Variants in CCSER1 observed in about 807,000 individuals in gnomAD.
CCSER1 encodes serine-rich coiled-coil domain-containing protein 1.
A neutral mutation model predicts 82.0 loss-of-function variants in CCSER1; 41 were observed. The observed-to-expected ratio is 0.50, with a 90% CI of 0.39 to 0.65. The LOEUF (loss-of-function observed/expected upper bound fraction) is 0.65, where lower values mean the gene tolerates loss of function less well. CCSER1 is among the 30% of genes least tolerant of loss of function. The probability of loss-of-function intolerance (pLI) is 0.00; values close to 1 mark genes in which losing one functional copy is unlikely to be tolerated. For synonymous variants in CCSER1, 414 were observed against 383.9 expected, an observed-to-expected ratio of 1.08 and a Z score of -0.92; for missense variants, 1,119 against 1,064.2, an observed-to-expected ratio of 1.05 and a Z score of -0.72.
chr4:90,523,623 A>G (rs985732314), intron 5 of CCSER1, among the ~76,000 whole-genome samples: 1 of 152,194 alleles, frequency 6.6e-6, no homozygotes, highest in African/African-American at 2.4e-5. Flanking sequence ...GTAAAATAGA[A>G]TATCAAAGTT....
intron 5 of CCSER1, among the ~76,000 whole-genome samples, chr4:90,566,482 GAT>G (rs1204871595): frequency 2.0e-5 from 3 of 151,406 alleles, no homozygotes; most frequent in Non-Finnish European, 4.4e-5. Context: ...TCTGTGATGG[GAT>G]AGTTTTCATC....
intron 1 of CCSER1, among the ~76,000 whole-genome samples, chr4:90,237,564 A>G (rs1746028802): frequency 6.6e-6 from 1 of 152,170 alleles, no homozygotes; most frequent in Non-Finnish European, 1.5e-5. Context: ...ACTTCCATTC[A>G]TACATCCTTA....
chr4:90,811,985 T>TAAACACACACACACACAC (rs1322585282), intron 7 of CCSER1, among the ~76,000 whole-genome samples: 7,446 of 132,120 alleles, frequency 0.056, 254 homozygotes, highest in Admixed American at 0.094. Context: ...TATATATATA[T>TAAACACACACACACACAC]ATATAAACAC....
At chr4:91,160,508 A>T (rs369296864) in intron 10 of CCSER1, among the ~76,000 whole-genome samples, 2 of 152,210 alleles carry the variant, frequency 1.3e-5, no homozygotes, top group East Asian at 3.8e-4. Flanking sequence ...TTACAGTCCC[A>T]CCAACAGTGC....
At chr4:91,273,939 C>T (rs1742228555) in intron 10 of CCSER1, among the ~76,000 whole-genome samples, 1 of 152,098 alleles carries the variant, frequency 6.6e-6, no homozygotes, top group Admixed American at 6.6e-5. Flanking sequence ...AATTAGGCTT[C>T]TTATGGTAAT....
At chr4:91,586,495 A>G (rs913655692) in intron 10 of CCSER1, among the ~76,000 whole-genome samples, 1 of 151,686 alleles carries the variant, frequency 6.6e-6, no homozygotes, top group African/African-American at 2.4e-5. Flanking sequence ...AGGAGCGTGA[A>G]ATGTCACAAA....
At position 91,364,699 on chromosome 4, in the gene CCSER1, A is replaced by C. The variant is rs577277263; in HGVS notation, c.2218-233873A>C. On this transcript the variant is annotated intron_variant, in intron 10 of 10. Coordinates refer to ENST00000509176, the MANE Select transcript of CCSER1 (RefSeq NM_001145065.2). The stretch of plus-strand genomic sequence containing the variant: ...ATACAGAAGATCCATAATTCAGGTT[A>C]TTAATCTCTGGTTACCTGTCCTTTG... 2.6e-5 allele frequency among the ~76,000 whole-genome samples: 4 copies of C among 152,216 alleles called. No individual in the cohort carries two copies. The East Asian group carries it at 7.7e-4, about 29-fold the overall frequency.
chr4:91,411,093 A>G (rs1340276274), intron 10 of CCSER1, among the ~76,000 whole-genome samples: 1 of 151,938 alleles, frequency 6.6e-6, no homozygotes, highest in Non-Finnish European at 1.5e-5. Context: ...TATAATATAG[A>G]TTTTAGAAAT....
intron 10 of CCSER1, among the ~76,000 whole-genome samples, chr4:91,155,034 T>TA (rs35463054): frequency 0.3 from 45,009 of 149,292 alleles, 7,032 homozygotes; most frequent in Middle Eastern, 0.33. Flanking sequence ...TTTCTGGCCT[T>TA]AAAAAAAAAA....
In CCSER1 at chr4:91,156,789, T is replaced by C. The variant is rs185685498; in HGVS notation, c.2217+70795T>C. ...TTCCTTCTCTTGTCACAACAGTTTC[T>C]TCACTTATGCCCTAGATTTCATTTG... is the stretch of plus-strand genomic sequence containing the variant. On this transcript the variant is annotated intron_variant, in intron 10 of 10. Transcript: ENST00000509176. 4.9e-3 allele frequency among the ~76,000 whole-genome samples: 747 copies of C among 152,002 alleles called. 11 individuals are homozygous for C. Among genetic ancestry groups the C allele is most frequent in the African/African-American group, 0.017 (712 of 41,556 alleles).
At chr4:90,440,733 A>T (rs1436706426) in intron 4 of CCSER1, among the ~76,000 whole-genome samples, 1 of 152,150 alleles carries the variant, frequency 6.6e-6, no homozygotes, top group Non-Finnish European at 1.5e-5. Context: ...GTTTATCAAG[A>T]TTTTTAACAC....
At chr4:90,664,077 CA>C (rs1246816789) in intron 6 of CCSER1, 1 of 161,044 alleles carries the variant, frequency 6.2e-6, no homozygotes, top group African/African-American at 2.4e-5. Context: ...ATATTTTATA[CA>C]AATAACTGTT....
chr4:91,250,474 G>T (rs1740167791), intron 10 of CCSER1, among the ~76,000 whole-genome samples: 1 of 151,922 alleles, frequency 6.6e-6, no homozygotes, highest in African/African-American at 2.4e-5. Context: ...TATTATAATT[G>T]TGAGAGGTAG....
At chr4:90,911,875 C>T (rs1469447359) in intron 8 of CCSER1, among the ~76,000 whole-genome samples, 1 of 152,194 alleles carries the variant, frequency 6.6e-6, no homozygotes, top group Non-Finnish European at 1.5e-5. Context: ...TAGAGCCTCG[C>T]TCATTGCTAG....
chr4:90,967,312 G>T (rs943960326), intron 9 of CCSER1, among the ~76,000 whole-genome samples: 3 of 151,872 alleles, frequency 2.0e-5, no homozygotes, highest in Non-Finnish European at 4.4e-5. Flanking sequence ...AGCTGGGCGT[G>T]GTGGAGTGCA....
intron 10 of CCSER1, among the ~76,000 whole-genome samples, chr4:91,138,867 C>CT (rs1204267679): frequency 6.6e-6 from 1 of 152,082 alleles, no homozygotes; most frequent in Non-Finnish European, 1.5e-5. Flanking sequence ...CAGAAAAATT[C>CT]TTTTTAAAAA....
intron 1 of CCSER1, among the ~76,000 whole-genome samples, chr4:90,188,985 A>T (rs1287804175): frequency 6.6e-6 from 1 of 151,028 alleles, no homozygotes; most frequent in Non-Finnish European, 1.5e-5. Context: ...GGGTGTAGAT[A>T]TGAAAAAATG....
chr4:91,509,312 A>G (rs1474405576), intron 10 of CCSER1, among the ~76,000 whole-genome samples: 1 of 152,042 alleles, frequency 6.6e-6, no homozygotes, highest in African/African-American at 2.4e-5. Flanking sequence ...TTAATCTCAA[A>G]CTGCCTCGCA....
rs770013398 is a variant in CCSER1 at position 91,411,491 on chromosome 4, C to CATATATATATATATATATATATATATAT, written c.2218-187073_2218-187046dup. 6.9e-4 allele frequency among the ~76,000 whole-genome samples: 37 copies of CATATATATATATATATATATATATATAT among 53,758 alleles called. 3 individuals carry two copies. The highest frequency in any genetic ancestry group is 0.01 in the Middle Eastern group (1 of 100). 35.3% of individuals were successfully genotyped at this position (53,758 alleles called of 152,430 possible). On this transcript the variant is annotated intron_variant, in intron 10 of 10. Transcript: ENST00000509176. ...TAATCACTAAATTTCTGCATATATACATATATATATATATATATATATATA... is the reference window on the plus strand; with the variant it reads ...TAATCACTAAATTTCTGCATATATACATATATATATATATATATATATATATATATATATATATATATATATATATATA...
Sources: allele counts gnomAD v4.1 joint callset (sites outside exome capture counted in the v4.1 genomes callset), GRCh38; gene constraint gnomAD v4.1.1; transcripts MANE v1.5; gene names NCBI Gene and HGNC (gene_info 2026-07-23, HGNC 2026-07-21).